Variants in KDM7A observed in about 807,000 individuals in gnomAD.
The protein encoded by KDM7A is lysine demethylase 7A, also known as lysine-specific demethylase 7A.
KDM7A carries 28 observed loss-of-function variants against 114.8 expected under a neutral mutation model. The observed-to-expected ratio is 0.24, with a 90% CI of 0.18 to 0.33. The LOEUF is 0.33. KDM7A is among the 10% of genes least tolerant of loss of function. The pLI, the probability that KDM7A is intolerant of heterozygous loss-of-function variation, is 1.00. For missense variants in KDM7A, 942 were observed against 1,142.5 expected (o/e 0.82, Z 2.53); for synonymous variants, 423 against 397.8 (o/e 1.06, Z -0.75).
Position 140,115,801 on chromosome 7 carries a change from AT to A in KDM7A, c.1247-2220del, listed in dbSNP as rs1287088257. The stretch of plus-strand genomic sequence containing the variant: ...CCAAGAATTATCAATAAAAAAATAA[AT>A]TTAAAAAAAATAAATAAATAAAAAA... On this transcript the variant is annotated intron_variant, in intron 9 of 19. Coordinates refer to ENST00000397560, the MANE Select transcript of KDM7A (RefSeq NM_030647.2). Among the ~76,000 whole-genome samples, 277 of 139,614 alleles carry A rather than the reference AT, an allele frequency of 2.0e-3. 2 individuals are homozygous for A. The highest frequency in any genetic ancestry group is 7.4e-3 in the African/African-American group (260 of 34,954). The allele number at this position is 139,614 out of a possible 152,430, so 91.6% of individuals were successfully genotyped here. A position where few individuals can be genotyped will look rare whatever the true frequency, so the allele number is the denominator to read the frequency against.
Position 140,086,283 on chromosome 7 carries a change from A to C in KDM7A, c.*4811T>G, listed in dbSNP as rs1467053096. 1 of 152,202 alleles carries C rather than the reference A, an allele frequency of 6.6e-6. No homozygotes were observed. Among genetic ancestry groups the C allele is most frequent in the African/African-American group, 2.4e-5 (1 of 41,442 alleles). The allele number at this position is 152,202 out of a possible 1,614,324, so 9.4% of individuals were successfully genotyped here. On this transcript the variant is annotated 3_prime_UTR_variant, in exon 20 of 20. Transcript: ENST00000397560. ...TCGAAAGGTTTTAACAACAAAATGTAATGTTATACTTGTTAAGACAAAGTC... is the reference window on the plus strand; with the variant it reads ...TCGAAAGGTTTTAACAACAAAATGTCATGTTATACTTGTTAAGACAAAGTC...
At chr7:140,126,078 T>C (rs1167021208) in intron 6 of KDM7A, among the ~76,000 whole-genome samples, 2 of 152,160 alleles carry the variant, frequency 1.3e-5, no homozygotes, top group African/African-American at 4.8e-5. Flanking sequence ...CTAATGTTTT[T>C]ATTTTTATTT....
At position 140,100,707 on chromosome 7, in the gene KDM7A, TACAC is replaced by T. The variant is rs1401828404; in HGVS notation, c.1639-688_1639-685del. On this transcript the variant is annotated intron_variant, in intron 12 of 19. Coordinates refer to ENST00000397560, the MANE Select transcript of KDM7A (RefSeq NM_030647.2). Reference sequence around the variant, plus strand: ...ATATATACATATATATATATATATATACACATATATATATATATATATATATATA... The same window carrying T: ...ATATATACATATATATATATATATATATATATATATATATATATATATATA... Among the ~76,000 whole-genome samples, 250 of 37,440 alleles carry T rather than the reference TACAC, an allele frequency of 6.7e-3. 2 individuals are homozygous for T. The highest frequency in any genetic ancestry group is 0.014 in the African/African-American group (179 of 12,474). 24.6% of individuals were successfully genotyped at this position (37,440 alleles called of 152,430 possible). A position where few individuals can be genotyped will look rare whatever the true frequency, so the allele number is the denominator to read the frequency against.
intron 7 of KDM7A, 95 bp from the exon 8 acceptor site, chr7:140,120,624 T>A: frequency 1.4e-6 from 1 of 708,086 alleles, no homozygotes; most frequent in Non-Finnish European, 2.6e-6. Flanking sequence ...AATATCAATA[T>A]CAGTTTACTT....
intron 6 of KDM7A, among the ~76,000 whole-genome samples, chr7:140,125,144 C>CT (rs1370993431): frequency 6.6e-6 from 1 of 152,208 alleles, no homozygotes; most frequent in Non-Finnish European, 1.5e-5. Flanking sequence ...GCCCTTTCTA[C>CT]TAAGATCCAC....
At chr7:140,141,989 T>C (rs1221907198) in intron 1 of KDM7A, among the ~76,000 whole-genome samples, 4 of 148,456 alleles carry the variant, frequency 2.7e-5, no homozygotes, top group African/African-American at 9.8e-5. Context: ...TGATATTTTA[T>C]ATATCCATAA....
rs1562945966 is a variant in KDM7A, at chr7:140,100,689, C to CACAT, written c.1639-667_1639-666insATGT. On this transcript the variant is annotated intron_variant, in intron 12 of 19. Transcript: ENST00000397560. Reference sequence around the variant, plus strand: ...ATATATATATATATATACATATATACATATATATATATATATATACACATA... The same window carrying CACAT: ...ATATATATATATATATACATATATACACATATATATATATATATATATACACATA... Among the ~76,000 whole-genome samples, 15 of 54,006 alleles carry CACAT rather than the reference C, an allele frequency of 2.8e-4. No individual in the cohort carries two copies. In the South Asian group the frequency reaches 3.0e-3, roughly 11 times the overall value. The allele number at this position is 54,006 out of a possible 152,430, so 35.4% of individuals were successfully genotyped here. A position where few individuals can be genotyped will look rare whatever the true frequency, so the allele number is the denominator to read the frequency against.
At chr7:140,138,445 A>G (rs1818904142) in intron 2 of KDM7A, among the ~76,000 whole-genome samples, 1 of 152,204 alleles carries the variant, frequency 6.6e-6, no homozygotes, top group Admixed American at 6.5e-5. Flanking sequence ...AATAGATATC[A>G]TATTAGGTGT....
chr7:140,123,527 C>G (rs1818647773), intron 7 of KDM7A, among the ~76,000 whole-genome samples: 1 of 152,164 alleles, frequency 6.6e-6, no homozygotes, highest in South Asian at 2.1e-4. Flanking sequence ...TCAGATTTCA[C>G]ATTTTTTTTG....
intron 1 of KDM7A, among the ~76,000 whole-genome samples, chr7:140,166,534 C>T (rs1409967342): frequency 6.6e-6 from 1 of 151,760 alleles, no homozygotes; most frequent in Non-Finnish European, 1.5e-5. Context: ...GACGGAGGCT[C>T]GTCATGTTGC....
At chr7:140,133,041 T>C (rs532385071) in intron 3 of KDM7A, among the ~76,000 whole-genome samples, 268 of 152,314 alleles carry the variant, frequency 1.8e-3, no homozygotes, top group African/African-American at 6.3e-3. Context: ...ACAACTCAAA[T>C]ATATTCCATT....
At position 140,139,623 on chromosome 7, in the gene KDM7A, G is replaced by A. The variant is rs546819377; in HGVS notation, c.195-433C>T. 2.0e-5 allele frequency among the ~76,000 whole-genome samples: 3 copies of A among 152,126 alleles called. No homozygotes were observed. The East Asian group carries it at 5.8e-4, about 29-fold the overall frequency. Reference sequence around the variant, plus strand: ...TTTAAATGCATCTGCTAGAAAAAAAGAGGCTGAAATTAATGAGCTATGTAT... The same window carrying A: ...TTTAAATGCATCTGCTAGAAAAAAAAAGGCTGAAATTAATGAGCTATGTAT... On this transcript the variant is annotated intron_variant, in intron 1 of 19. Transcript: ENST00000397560.
At position 140,087,155 on chromosome 7, in the gene KDM7A, C is replaced by T. The variant is rs981721870; in HGVS notation, c.*3939G>A. The stretch of plus-strand genomic sequence containing the variant: ...TTGTGCATTCTCACCTTTCTAACCA[C>T]CTCATTCTCCCCACAAGTTCCCTGG... On this transcript the variant is annotated 3_prime_UTR_variant, in exon 20 of 20. Transcript: ENST00000397560. 2 of 152,332 alleles carry T rather than the reference C, an allele frequency of 1.3e-5. No individual in the cohort carries two copies. Among genetic ancestry groups the T allele is most frequent in the African/African-American group, 4.8e-5 (2 of 41,584 alleles). The allele number at this position is 152,332 out of a possible 1,614,324, so 9.4% of individuals were successfully genotyped here. A position where few individuals can be genotyped will look rare whatever the true frequency, so the allele number is the denominator to read the frequency against.
At chr7:140,161,969 T>C (rs1237820336) in intron 1 of KDM7A, among the ~76,000 whole-genome samples, 1 of 152,212 alleles carries the variant, frequency 6.6e-6, no homozygotes, top group African/African-American at 2.4e-5. Flanking sequence ...AATACCAAAT[T>C]ATCTACAATG....
In KDM7A at chr7:140,113,554, T is replaced by G; in HGVS notation, c.1275A>C (p.Gln425His). 1 of 1,605,614 alleles carries G rather than the reference T, an allele frequency of 6.2e-7. No homozygotes were observed. The highest frequency in any genetic ancestry group is 1.1e-5 in the South Asian group (1 of 90,366). Reference protein sequence around the residue: ...KELREDGFQPQTYLVQGVKAL... With the variant: ...KELREDGFQPHTYLVQGVKAL... ...CTTTCACTCCCTGTACTAGGTAAGT[T>G]TGAGGCTGGAAACCATCTTCTCTCA... Residue 425 changes from glutamine to histidine, a missense_variant, in exon 10 of 20, where the codon CAA (glutamine) becomes CAC (histidine). By Grantham distance (24) the Gln-to-His change is conservative (BLOSUM62 0). This residue lies in a region of KDM7A where 318 missense variants were observed against 453.1 expected (regional missense o/e 0.70). Coordinates refer to ENST00000397560, the MANE Select transcript of KDM7A (RefSeq NM_030647.2).
chr7:140,107,964 T>C (rs1288902059), intron 11 of KDM7A, among the ~76,000 whole-genome samples: 1 of 151,978 alleles, frequency 6.6e-6, no homozygotes, highest in Non-Finnish European at 1.5e-5. Flanking sequence ...GGAGGCTTTG[T>C]TTGTTTCTTT....
intron 3 of KDM7A, among the ~76,000 whole-genome samples, chr7:140,130,701 G>A (rs911647838): frequency 1.3e-5 from 2 of 151,898 alleles, no homozygotes; most frequent in Non-Finnish European, 2.9e-5. Flanking sequence ...ACTATCTAAA[G>A]TCTAATGGAA....
chr7:140,148,220 GAA>G (rs35363572), intron 1 of KDM7A, among the ~76,000 whole-genome samples: 12 of 118,388 alleles, frequency 1.0e-4, no homozygotes, highest in Non-Finnish European at 9.0e-5. Flanking sequence ...TATGCTTCAA[GAA>G]AAAAAAAAAA....
intron 1 of KDM7A, among the ~76,000 whole-genome samples, chr7:140,168,056 G>A (rs1178472422): frequency 1.3e-5 from 2 of 152,106 alleles, no homozygotes; most frequent in Non-Finnish European, 2.9e-5. Flanking sequence ...TTAAAACATA[G>A]ATACCATTTT....
Sources: gnomAD v4.1 joint callset for allele counts (sites outside exome capture counted in the v4.1 genomes callset) on GRCh38, gnomAD v4.1.1 for gene constraint, gnomAD v4.1.1 regional missense constraint, MANE v1.5 for transcripts, NCBI Gene and HGNC (gene_info 2026-07-23, HGNC 2026-07-21) for gene names.